Variants in FRAS1 observed in about 807,000 individuals in gnomAD.
The protein encoded by FRAS1 is Fraser extracellular matrix complex subunit 1, also known as extracellular matrix organizing protein FRAS1.
Under a neutral mutation model 435.2 loss-of-function variants are expected in FRAS1, and 290 were observed. That is an observed-to-expected ratio of 0.67 (90% CI 0.61 to 0.73). FRAS1 has a LOEUF of 0.73. Among genes scored for constraint, FRAS1 ranks in the 30% least tolerant of loss-of-function variants. The probability of loss-of-function intolerance (pLI) is 0.00; values close to 1 mark genes in which losing one functional copy is unlikely to be tolerated. For synonymous variants in FRAS1, 1,800 were observed against 1,851.0 expected (o/e 0.97, Z 0.71); for missense variants, 4,860 against 5,001.5 (o/e 0.97, Z 0.85).
intron 12 of FRAS1, among the ~76,000 whole-genome samples, chr4:78,283,609 T>G (rs568736921): frequency 8.2e-4 from 125 of 152,350 alleles, no homozygotes; most frequent in Middle Eastern, 3.4e-3. Context: ...CCATTCATAT[T>G]TCATAATTAA....
At chr4:78,258,143 C>T (rs1312810595) in intron 6 of FRAS1, among the ~76,000 whole-genome samples, 1 of 151,972 alleles carries the variant, frequency 6.6e-6, no homozygotes, top group Non-Finnish European at 1.5e-5. Context: ...GAGTTCGAGA[C>T]CATCCTGGGC....
chr4:78,290,187 T>C (rs549899399), intron 14 of FRAS1, among the ~76,000 whole-genome samples: 17 of 152,336 alleles, frequency 1.1e-4, no homozygotes, highest in Admixed American at 5.2e-4. Context: ...GTTAAAATTA[T>C]AAGGTTACAA....
chr4:78,249,043 C>CTGATATATATATATATATATATA (rs1352031337), intron 4 of FRAS1, among the ~76,000 whole-genome samples: 1 of 19,860 alleles, frequency 5.0e-5, no homozygotes, highest in African/African-American at 1.1e-4. Context: ...GTATGAAGAA[C>CTGATATATATATATATATATATA]TACTGATATA....
chr4:78,126,689 T>C (rs1476170593), intron 2 of FRAS1, among the ~76,000 whole-genome samples: 2 of 152,224 alleles, frequency 1.3e-5, no homozygotes, highest in Non-Finnish European at 2.9e-5. Flanking sequence ...TTGTTTTATT[T>C]TTAATCCAGC....
chr4:78,457,654 T>C (rs1182122634), intron 47 of FRAS1, among the ~76,000 whole-genome samples: 1 of 152,226 alleles, frequency 6.6e-6, no homozygotes, highest in African/African-American at 2.4e-5. Context: ...CGAAAGTGAG[T>C]GCCCTCAAGG....
intron 2 of FRAS1, among the ~76,000 whole-genome samples, chr4:78,087,009 G>A (rs908387528): frequency 2.0e-5 from 3 of 152,078 alleles, no homozygotes; most frequent in Non-Finnish European, 2.9e-5. Flanking sequence ...GATGAACATC[G>A]AAGCAAAAAT....
chr4:78,273,918 A>C (rs1200232504), intron 9 of FRAS1, among the ~76,000 whole-genome samples: 1 of 152,164 alleles, frequency 6.6e-6, no homozygotes, highest in Non-Finnish European at 1.5e-5. Context: ...CCTCTGGTAG[A>C]ATTCGGCTGT....
intron 2 of FRAS1, among the ~76,000 whole-genome samples, chr4:78,088,021 A>T (rs1490535758): frequency 2.6e-5 from 4 of 152,204 alleles, no homozygotes; most frequent in Non-Finnish European, 5.9e-5. Context: ...CCTGACTTCA[A>T]ACTATACTAC....
rs1174044412 is a variant in FRAS1 at position 78,249,048 on chromosome 4, G to GATATATATATATATGCATATAT, written c.310-3329_310-3308dup. On this transcript the variant is annotated intron_variant, in intron 4 of 73. Coordinates refer to ENST00000512123, the MANE Select transcript of FRAS1 (RefSeq NM_025074.7). ...TCATAAACGTGTATGAAGAACTACT[G>GATATATATATATATGCATATAT]ATATATATATATATGCATATATATA... Among the ~76,000 whole-genome samples, 9 of 27,528 alleles carry GATATATATATATATGCATATAT rather than the reference G, an allele frequency of 3.3e-4. 1 individual carries two copies. The highest frequency in any genetic ancestry group is 7.6e-4 in the African/African-American group (9 of 11,880). 18.1% of individuals were successfully genotyped at this position (27,528 alleles called of 152,430 possible). A position where few individuals can be genotyped will look rare whatever the true frequency, so the allele number is the denominator to read the frequency against.
At chr4:78,079,494 C>T (rs1460588788) in intron 2 of FRAS1, among the ~76,000 whole-genome samples, 1 of 152,144 alleles carries the variant, frequency 6.6e-6, no homozygotes, top group Non-Finnish European at 1.5e-5. Flanking sequence ...AAACTCAACT[C>T]AAACTAGCTT....
At chr4:78,116,110 G>T (rs1404314539) in intron 2 of FRAS1, among the ~76,000 whole-genome samples, 2 of 152,142 alleles carry the variant, frequency 1.3e-5, no homozygotes, top group Non-Finnish European at 2.9e-5. Context: ...TCAGGAGCAG[G>T]TTATTCATTT....
intron 9 of FRAS1, among the ~76,000 whole-genome samples, chr4:78,272,659 C>A (rs1323392736): frequency 6.6e-6 from 1 of 152,114 alleles, no homozygotes; most frequent in East Asian, 1.9e-4. Flanking sequence ...CTGTTCTGTT[C>A]CATTGGTCTA....
At chr4:78,280,672 C>T (rs1727290712) in intron 10 of FRAS1, among the ~76,000 whole-genome samples, 1 of 150,546 alleles carries the variant, frequency 6.6e-6, no homozygotes, top group Non-Finnish European at 1.5e-5. Context: ...GTAGTGTTAA[C>T]AGTGCAGACT....
In FRAS1 at chr4:78,537,071, A is replaced by G; in HGVS notation, c.11169A>G (p.Lys3723=). 4 of 1,614,018 alleles carry G rather than the reference A, an allele frequency of 2.5e-6. No homozygotes were observed. Among genetic ancestry groups the G allele is most frequent in the Non-Finnish European group, 3.4e-6 (4 of 1,179,880 alleles). ...CTGCTTACAAACTCCAGCTGGAGAA[A>G]GTCTATCTTTGTACGGGCAAGGATG... is the stretch of plus-strand genomic sequence containing the variant. The part of the protein sequence containing the change: ...LNSAYKLQLE[K]VYLCTGKDGY... The change falls in exon 72 of 74, where the codon AAA becomes AAG. Residue 3723 remains lysine, a synonymous_variant. Coordinates refer to ENST00000512123, the MANE Select transcript of FRAS1 (RefSeq NM_025074.7).
rs1732127494 is a variant in FRAS1, at chr4:78,384,102, T to C, written c.3607T>C (p.Ser1203Pro). The C allele has an allele frequency of 3.1e-6, 5 of 1,607,048 alleles. No individual in the cohort carries two copies. The highest frequency in any genetic ancestry group is 4.2e-6 in the Non-Finnish European group (5 of 1,178,090). Residue 1203 changes from serine to proline, a missense_variant, in exon 28 of 74, where the codon TCT (serine) becomes CCT (proline). Coordinates refer to ENST00000512123, the MANE Select transcript of FRAS1 (RefSeq NM_025074.7). ...GAAAATTAGTGACCAGCAGTTCTTC[T>C]CTGAGCCACAGCTGATCAACATACA... is the stretch of plus-strand genomic sequence containing the variant. ...FLKISDQQFF[S>P]EPQLINIQAF...
chr4:78,205,544 C>G (rs1193816053), intron 2 of FRAS1, among the ~76,000 whole-genome samples: 1 of 152,214 alleles, frequency 6.6e-6, no homozygotes, highest in African/African-American at 2.4e-5. Flanking sequence ...AATGTTCTTT[C>G]AAATCTCTAT....
chr4:78,103,834 T>C (rs1484885938), intron 2 of FRAS1, among the ~76,000 whole-genome samples: 2 of 152,364 alleles, frequency 1.3e-5, no homozygotes, highest in East Asian at 3.9e-4. Flanking sequence ...CTATTGTTTA[T>C]AAGCTACCCA....
At chr4:78,080,624 T>C (rs1040899064) in intron 2 of FRAS1, among the ~76,000 whole-genome samples, 1 of 152,164 alleles carries the variant, frequency 6.6e-6, no homozygotes, top group African/African-American at 2.4e-5. Flanking sequence ...TCAGTTCTGC[T>C]TTTGTCATAA....
At chr4:78,105,338 C>A (rs1395141552) in intron 2 of FRAS1, among the ~76,000 whole-genome samples, 1 of 152,190 alleles carries the variant, frequency 6.6e-6, no homozygotes, top group Non-Finnish European at 1.5e-5. Flanking sequence ...GAGTGGTTGA[C>A]AGGCATCAGG....
Sources: allele counts gnomAD v4.1 joint callset (sites outside exome capture counted in the v4.1 genomes callset), GRCh38; gene constraint gnomAD v4.1.1; transcripts MANE v1.5; gene names NCBI Gene and HGNC (gene_info 2026-07-23, HGNC 2026-07-21).